SLC44A5: variants seen among roughly 807,000 people sequenced by gnomAD.
The protein encoded by SLC44A5 is solute carrier family 44 member 5.
A neutral mutation model predicts 101.8 loss-of-function variants in SLC44A5; 57 were observed. That is an observed-to-expected ratio of 0.56 (90% CI 0.45 to 0.70). SLC44A5 has a LOEUF of 0.70. Ranked by LOEUF, SLC44A5 falls within the 30% of genes least tolerant of loss-of-function variation. The probability of loss-of-function intolerance (pLI) is 0.00; values close to 1 mark genes in which losing one functional copy is unlikely to be tolerated. For synonymous variants in SLC44A5, 281 were observed against 290.9 expected, an observed-to-expected ratio of 0.97 and a Z score of 0.35; for missense variants, 737 against 853.1, an observed-to-expected ratio of 0.86 and a Z score of 1.70.
intron 2 of SLC44A5, among the ~76,000 whole-genome samples, chr1:75,508,455 G>C (rs967625675): frequency 6.6e-6 from 1 of 151,788 alleles, no homozygotes; most frequent in Non-Finnish European, 1.5e-5. Flanking sequence ...AGAACAACAA[G>C]GACAAACTAA....
chr1:75,332,822 T>C (rs1657148891), intron 4 of SLC44A5, among the ~76,000 whole-genome samples: 1 of 152,232 alleles, frequency 6.6e-6, no homozygotes, highest in Non-Finnish European at 1.5e-5. Context: ...AGTGATAGCA[T>C]ATAATGCACT....
Position 75,606,610 on chromosome 1 carries a change from A to T in SLC44A5, c.-70+4430T>A, listed in dbSNP as rs1028218519. Among the ~76,000 whole-genome samples the T allele has an allele frequency of 3.3e-5, 5 of 152,074 alleles. No individual in the cohort carries two copies. The South Asian group carries it at 8.3e-4, about 25-fold the overall frequency. On this transcript the variant is annotated intron_variant, in intron 1 of 23. Transcript: ENST00000370859. ...CAAAACAGTTAACTGTGCTGTCTTT[A>T]ATTTTCCTCCTCTTCATTCTCTCTT...
chr1:75,374,596 T>C (rs1660447026), intron 3 of SLC44A5, among the ~76,000 whole-genome samples: 2 of 152,138 alleles, frequency 1.3e-5, no homozygotes, highest in Admixed American at 6.5e-5. Context: ...GCACATGCAC[T>C]GAAACACACA....
chr1:75,541,104 G>C (rs1178954241), intron 2 of SLC44A5, among the ~76,000 whole-genome samples: 1 of 152,162 alleles, frequency 6.6e-6, no homozygotes, highest in Non-Finnish European at 1.5e-5. Context: ...AGGGGGCAAC[G>C]CTGGAGAAAG....
At chr1:75,656,465 A>C in the SLC44A5 span, among the ~76,000 whole-genome samples, 1 of 152,234 alleles carries the variant, frequency 6.6e-6, no homozygotes, top group African/African-American at 2.4e-5. Flanking sequence ...TTGTTGAGAT[A>C]GGCTATATAA....
chr1:75,208,802 C>T lies in SLC44A5; in HGVS notation c.2047+2666G>A, dbSNP rs542944621. The stretch of plus-strand genomic sequence containing the variant: ...GGATCACATTAATAAGCATCTACAA[C>T]TATTATTTTTTTCCCACTCTGAGAT... On this transcript the variant is annotated intron_variant, in intron 23 of 23. Coordinates refer to ENST00000370859, the MANE Select transcript of SLC44A5 (RefSeq NM_001130058.2). Among the ~76,000 whole-genome samples the T allele has an allele frequency of 1.2e-4, 18 of 152,242 alleles. No individual in the cohort carries two copies. The East Asian group carries it at 3.3e-3, about 28-fold the overall frequency.
At chr1:75,549,685 T>TA (rs1671834297) in intron 1 of SLC44A5, among the ~76,000 whole-genome samples, 1 of 152,138 alleles carries the variant, frequency 6.6e-6, no homozygotes, top group South Asian at 2.1e-4. Context: ...ACCGTGTACT[T>TA]ACAAGGTGAG....
At chr1:75,547,784 T>G (rs1267019423) in intron 1 of SLC44A5, among the ~76,000 whole-genome samples, 1 of 152,196 alleles carries the variant, frequency 6.6e-6, no homozygotes, top group African/African-American at 2.4e-5. Context: ...AGGGCAATTT[T>G]GCAAGAGTTT....
chr1:75,518,035 T>C (rs1359127479), intron 2 of SLC44A5, among the ~76,000 whole-genome samples: 3 of 152,208 alleles, frequency 2.0e-5, no homozygotes, highest in Admixed American at 2.0e-4. Context: ...AAATCTTAGG[T>C]CCTGATTCTA....
At chr1:75,444,832 A>G (rs1382044680) in intron 2 of SLC44A5, among the ~76,000 whole-genome samples, 2 of 152,144 alleles carry the variant, frequency 1.3e-5, no homozygotes, top group Non-Finnish European at 2.9e-5. Context: ...TGATGGGAAG[A>G]TCATGAAGTA....
Position 75,218,557 on chromosome 1 carries a change from A to G in SLC44A5, c.1462T>C (p.Trp488Arg). 2 of 1,613,850 alleles carry G rather than the reference A, an allele frequency of 1.2e-6. No homozygotes were observed. The highest frequency in any genetic ancestry group is 1.7e-6 in the Non-Finnish European group (2 of 1,179,782). ...ATGTCATCAGGTTTTTTCATGGCCC[A>G]GTAATAAGTAGCGAATGCACCAGCA... Reference protein sequence around the residue: ...ALAGAFATYYWAMKKPDDIPR... With the variant: ...ALAGAFATYYRAMKKPDDIPR... The change falls in exon 17 of 24, where the codon TGG (tryptophan) becomes CGG (arginine). Residue 488 changes from tryptophan to arginine, a missense_variant. Physicochemically the swap from Trp to Arg is moderately radical, Grantham distance 101. This residue lies in a region of SLC44A5 where 665 missense variants were observed against 764.4 expected (regional missense o/e 0.87). Transcript: ENST00000370859.
chr1:75,648,979 A>G, the SLC44A5 span, among the ~76,000 whole-genome samples: 74,692 of 151,986 alleles, frequency 0.49, 19,605 homozygotes, highest in East Asian at 0.93. Context: ...TTTAGATCAC[A>G]AGCTATATCA....
At chr1:75,422,144 A>G (rs1317277296) in intron 2 of SLC44A5, among the ~76,000 whole-genome samples, 1 of 152,204 alleles carries the variant, frequency 6.6e-6, no homozygotes, top group Non-Finnish European at 1.5e-5. Context: ...AAATTTGGAC[A>G]TGAAATGCCC....
At chr1:75,641,661 C>T in the SLC44A5 span, 3 of 1,493,456 alleles carry the variant, frequency 2.0e-6, no homozygotes, top group Admixed American at 3.3e-5. Flanking sequence ...ATAACTTCAG[C>T]TTGAAGAATA....
At chr1:75,248,704 C>T (rs781441092) in intron 7 of SLC44A5, among the ~76,000 whole-genome samples, 16 of 152,076 alleles carry the variant, frequency 1.1e-4, no homozygotes, top group African/African-American at 2.4e-4. Context: ...ACAGCATTAA[C>T]GGCCCACTTG....
chr1:75,625,208 A>T, the SLC44A5 span, among the ~76,000 whole-genome samples: 1 of 152,138 alleles, frequency 6.6e-6, no homozygotes, highest in Non-Finnish European at 1.5e-5. Context: ...TGCCTTCTAC[A>T]TTATGACTTG....
chr1:75,245,274 A>G (rs1649005903), intron 7 of SLC44A5, among the ~76,000 whole-genome samples: 1 of 152,152 alleles, frequency 6.6e-6, no homozygotes, highest in Admixed American at 6.5e-5. Flanking sequence ...ATATTCATGT[A>G]CCTTCAGAGA....
chr1:75,538,194 T>G (rs1671158927), intron 2 of SLC44A5: 1 of 152,224 alleles, frequency 6.6e-6, no homozygotes, highest in Admixed American at 6.5e-5. Context: ...GTTATGCTTA[T>G]CTTAGGGTAG....
At chr1:75,433,518 TCTC>T (rs957849070) in intron 2 of SLC44A5, among the ~76,000 whole-genome samples, 4 of 152,032 alleles carry the variant, frequency 2.6e-5, no homozygotes, top group Admixed American at 6.6e-5. Context: ...TTTCTAACCC[TCTC>T]CTCCTTTTTG....
Sources: allele counts gnomAD v4.1 joint callset (sites outside exome capture counted in the v4.1 genomes callset), GRCh38; gene constraint gnomAD v4.1.1; regional missense constraint gnomAD v4.1.1; transcripts MANE v1.5; gene names NCBI Gene and HGNC (gene_info 2026-07-23, HGNC 2026-07-21).